The following CDR2 variants were observed in gnomAD, a reference collection of about 807,000 sequenced individuals.
CDR2 encodes the protein cerebellar degeneration related protein 2.
CDR2 carries 34 observed loss-of-function variants against 48.4 expected under a neutral mutation model. That is an observed-to-expected ratio of 0.70 (90% CI 0.53 to 0.94). The LOEUF is 0.94. CDR2 is among the 40% of genes least tolerant of loss of function. The pLI is 0.00. For missense variants in CDR2, 498 were observed against 549.5 expected (o/e 0.91, Z 0.94); for synonymous variants, 240 against 219.7 (o/e 1.09, Z -0.82).
At chr16:22,363,646 T>C (rs2049025593) in intron 2 of CDR2, among the ~76,000 whole-genome samples, 1 of 152,216 alleles carries the variant, frequency 6.6e-6, no homozygotes, top group Non-Finnish European at 1.5e-5. Flanking sequence ...CTTTTACATT[T>C]TTCTGTGCAC....
At chr16:22,349,548 T>G in intron 3 of CDR2, 105 bp from the exon 4 acceptor site, 1 of 1,419,956 alleles carries the variant, frequency 7.0e-7, no homozygotes, top group Non-Finnish European at 9.7e-7. Flanking sequence ...CTTTCTTAAT[T>G]GGAAAGGATG....
At position 22,374,378 on chromosome 16, in the gene CDR2, C is replaced by T. The variant is rs895555159; in HGVS notation, c.-69G>A. On this transcript the variant is annotated 5_prime_UTR_variant, in exon 1 of 5. Coordinates refer to ENST00000268383, the MANE Select transcript of CDR2 (RefSeq NM_001802.2). ...GCCTCAGCCGCTGCCCCGGGCTCTT[C>T]CCCGGCCCCTCCGCCCTCAGCCAGA... 84 of 1,109,240 alleles carry T rather than the reference C, an allele frequency of 7.6e-5. No individual in the cohort carries two copies. Among genetic ancestry groups the T allele is most frequent in the Non-Finnish European group, 1.0e-4 (80 of 769,554 alleles). 68.7% of individuals were successfully genotyped at this position (1,109,240 alleles called of 1,614,324 possible).
chr16:22,365,758 T>C (rs564718875), intron 1 of CDR2, among the ~76,000 whole-genome samples: 1 of 152,312 alleles, frequency 6.6e-6, no homozygotes, highest in Non-Finnish European at 1.5e-5. Context: ...AAATGAAAAT[T>C]TAGTTAACAA....
chr16:22,374,438 T>G lies in CDR2; in HGVS notation c.-129A>C, dbSNP rs2049104370. Reference sequence around the variant, plus strand: ...GGGCGGGACGCGCCGCCGCCCAGACTCCGCTGCGCCGCCTCAGCCCCGTTC... The same window carrying G: ...GGGCGGGACGCGCCGCCGCCCAGACGCCGCTGCGCCGCCTCAGCCCCGTTC... On this transcript the variant is annotated 5_prime_UTR_variant, in exon 1 of 5. Coordinates refer to ENST00000268383, the MANE Select transcript of CDR2 (RefSeq NM_001802.2). 1 of 391,260 alleles carries G rather than the reference T, an allele frequency of 2.6e-6. No individual in the cohort carries two copies. Among genetic ancestry groups the G allele is most frequent in the Non-Finnish European group, 4.3e-6 (1 of 233,176 alleles). The allele number at this position is 391,260 out of a possible 1,614,324, so 24.2% of individuals were successfully genotyped here. A position where few individuals can be genotyped will look rare whatever the true frequency, so the allele number is the denominator to read the frequency against.
rs1216373439 is a variant in CDR2 at position 22,359,401 on chromosome 16, A to G, written c.192+5501T>C. On this transcript the variant is annotated intron_variant, in intron 2 of 4. Transcript: ENST00000268383. ...CAGCCTCCCAAAGTGCTGGGATTAC[A>G]GGAGTGAGCCACCGCCACCGGCTCA... Among the ~76,000 whole-genome samples the G allele has an allele frequency of 2.0e-5, 3 of 152,208 alleles. No homozygotes were observed. The East Asian group carries it at 5.8e-4, about 29-fold the overall frequency.
intron 1 of CDR2, among the ~76,000 whole-genome samples, chr16:22,370,842 A>C (rs2141855327): frequency 6.6e-6 from 1 of 152,370 alleles, no homozygotes; most frequent in African/African-American, 2.4e-5. Context: ...CAAAGATTCA[A>C]TCTATTCAGA....
At chr16:22,348,040 C>T (rs960613597) in intron 4 of CDR2, among the ~76,000 whole-genome samples, 1 of 151,996 alleles carries the variant, frequency 6.6e-6, no homozygotes, top group Admixed American at 6.6e-5. Flanking sequence ...CAGGTTCAAG[C>T]GATTCTCCTG....
intron 2 of CDR2, among the ~76,000 whole-genome samples, chr16:22,362,323 G>T (rs2049016034): frequency 6.6e-6 from 1 of 152,136 alleles, no homozygotes; most frequent in Admixed American, 6.5e-5. Flanking sequence ...GAGAATCTCA[G>T]ATATCTTTGG....
At chr16:22,356,255 CAAAGA>C (rs1292051099) in intron 2 of CDR2, among the ~76,000 whole-genome samples, 1 of 152,068 alleles carries the variant, frequency 6.6e-6, no homozygotes, top group East Asian at 1.9e-4. Flanking sequence ...TCCATGGCAC[CAAAGA>C]AAGATTATAA....
In CDR2 at chr16:22,374,301, C is replaced by G; in HGVS notation, c.9G>C (p.Ala3=). ...TCTCAAACTCCTCTACCAGGTTTTC[C>G]GCCAGCATCTCGGCTGGGTCTTCTA... ML[A]ENLVEEFEMK... The change falls in exon 1 of 5, where the codon GCG becomes GCC. Residue 3 remains alanine, a synonymous_variant. Coordinates refer to ENST00000268383, the MANE Select transcript of CDR2 (RefSeq NM_001802.2). 6.3e-7 allele frequency: 1 copy of G among 1,599,032 alleles called. No individual in the cohort carries two copies. Among genetic ancestry groups the G allele is most frequent in the Middle Eastern group, 1.7e-4 (1 of 6,010 alleles).
chr16:22,346,902 TG>T lies in CDR2; in HGVS notation c.*62del. ...TTAGGCTTCAGAGTCTACAAACACT[TG>T]TCTGAATGGGAGAGAGAGGCGATAG... On this transcript the variant is annotated 3_prime_UTR_variant, in exon 5 of 5. Coordinates refer to ENST00000268383, the MANE Select transcript of CDR2 (RefSeq NM_001802.2). The T allele has an allele frequency of 6.6e-7, 1 of 1,524,618 alleles. No homozygotes were observed. Among genetic ancestry groups the T allele is most frequent in the Non-Finnish European group, 8.9e-7 (1 of 1,118,560 alleles). The allele number at this position is 1,524,618 out of a possible 1,614,324, so 94.4% of individuals were successfully genotyped here.
At chr16:22,347,964 A>C in intron 4 of CDR2, 141 bp from the exon 5 acceptor site, 5 of 800,538 alleles carry the variant, frequency 6.2e-6, no homozygotes, top group Non-Finnish European at 9.5e-6. Context: ...TTTGAGACGG[A>C]GTCTCACTTT....
intron 2 of CDR2, among the ~76,000 whole-genome samples, chr16:22,355,928 G>T (rs574551273): frequency 6.6e-6 from 1 of 152,034 alleles, no homozygotes; most frequent in Non-Finnish European, 1.5e-5. Flanking sequence ...TATGTTTGTC[G>T]TAATTTTTTC....
chr16:22,349,815 A>G lies in CDR2; in HGVS notation c.227T>C (p.Met76Thr). The G allele has an allele frequency of 6.2e-7, 1 of 1,614,164 alleles. No individual in the cohort carries two copies. The highest frequency in any genetic ancestry group is 8.5e-7 in the Non-Finnish European group (1 of 1,180,002). ...LTKQVELLRQMNEQHAKVYEQ... is the reference protein window; with the variant it reads ...LTKQVELLRQTNEQHAKVYEQ... The stretch of plus-strand genomic sequence containing the variant: ...ATAAACCTTTGCATGTTGTTCGTTC[A>G]TCTGCCGTAGAAGTTCCACTTGCTT... Residue 76 changes from methionine to threonine, a missense_variant, in exon 3 of 5, where the codon ATG becomes ACG. Physicochemically the swap from Met to Thr is moderately conservative, Grantham distance 81. Transcript: ENST00000268383.
Position 22,374,320 on chromosome 16 carries a change from T to TC in CDR2, c.-12dup. 6.3e-7 allele frequency: 1 copy of TC among 1,582,520 alleles called. No homozygotes were observed. Among genetic ancestry groups the TC allele is most frequent in the Non-Finnish European group, 8.6e-7 (1 of 1,162,134 alleles). On this transcript the variant is annotated 5_prime_UTR_variant, in exon 1 of 5. Coordinates refer to ENST00000268383, the MANE Select transcript of CDR2 (RefSeq NM_001802.2). The stretch of plus-strand genomic sequence containing the variant: ...GTTTTCCGCCAGCATCTCGGCTGGG[T>TC]CTTCTAGGGGCAGCGGCCCCCGCCG...
Position 22,347,659 on chromosome 16 carries a change from C to G in CDR2, c.671G>C (p.Gly224Ala). ...TTCACTGTTCTCCTTTAACACGAGC[C>G]CATATTCCTCCTCCATAGTCACCCG... is the stretch of plus-strand genomic sequence containing the variant. ...QKRVTMEEEY[G>A]LVLKENSELE... Residue 224 changes from glycine to alanine, a missense_variant, in exon 5 of 5, where the codon GGG becomes GCG. Physicochemically the swap from Gly to Ala is moderately conservative, Grantham distance 60. Transcript: ENST00000268383. The G allele has an allele frequency of 6.2e-7, 1 of 1,614,062 alleles. No homozygotes were observed. Among genetic ancestry groups the G allele is most frequent in the Non-Finnish European group, 8.5e-7 (1 of 1,180,032 alleles).
chr16:22,374,334 C>A lies in CDR2; in HGVS notation c.-25G>T. 6.5e-7 allele frequency: 1 copy of A among 1,531,244 alleles called. No homozygotes were observed. The highest frequency in any genetic ancestry group is 8.9e-7 in the Non-Finnish European group (1 of 1,122,490). 94.9% of individuals were successfully genotyped at this position (1,531,244 alleles called of 1,614,324 possible). On this transcript the variant is annotated 5_prime_UTR_variant, in exon 1 of 5. Coordinates refer to ENST00000268383, the MANE Select transcript of CDR2 (RefSeq NM_001802.2). ...TCTCGGCTGGGTCTTCTAGGGGCAG[C>A]GGCCCCCGCCGCCGTCCCGCCTCAG... is the stretch of plus-strand genomic sequence containing the variant.
chr16:22,350,064 C>T (rs989534708), intron 2 of CDR2, among the ~76,000 whole-genome samples: 3 of 152,080 alleles, frequency 2.0e-5, no homozygotes, highest in Admixed American at 6.6e-5. Context: ...TGGCACACGC[C>T]TGTAATCCCA....
intron 2 of CDR2, among the ~76,000 whole-genome samples, chr16:22,361,014 G>C (rs2049007635): frequency 6.6e-6 from 1 of 152,080 alleles, no homozygotes. Flanking sequence ...CTCCCAAAGT[G>C]CTAGGATTAC....
Sources: gnomAD v4.1 joint callset for allele counts (sites outside exome capture counted in the v4.1 genomes callset) on GRCh38, gnomAD v4.1.1 for gene constraint, MANE v1.5 for transcripts, NCBI Gene and HGNC (gene_info 2026-07-23, HGNC 2026-07-21) for gene names.